VWA5B1: variants seen among roughly 807,000 people sequenced by gnomAD.
The protein encoded by VWA5B1 is von Willebrand factor A domain-containing protein 5B1.
VWA5B1 carries 115 observed loss-of-function variants against 118.2 expected under a neutral mutation model. The ratio of observed to expected loss-of-function variants is 0.97; its 90% confidence interval spans 0.84 to 1.14. The LOEUF is 1.14. VWA5B1 is among the 50% of genes most tolerant of loss of function. The probability of loss-of-function intolerance (pLI) is 0.00; values close to 1 mark genes in which losing one functional copy is unlikely to be tolerated. For missense variants in VWA5B1, 1,596 were observed against 1,603.8 expected (o/e 1.00, Z 0.08); for synonymous variants, 682 against 658.4 (o/e 1.04, Z -0.55).
Position 20,310,635 on chromosome 1 carries a change from G to T in VWA5B1, c.34G>T (p.Ala12Ser). Residue 12 changes from alanine to serine, a missense_variant, in exon 2 of 22, where the codon GCC becomes TCC. By Grantham distance (99) the Ala-to-Ser change is moderately conservative. Coordinates refer to ENST00000289815, the MANE Select transcript of VWA5B1 (RefSeq NM_001039500.3). ...PGLLNWITGA[A>S]LPLTASDVTS... ...CTTGCTGAATTGGATCACGGGGGCA[G>T]CCCTGCCCCTCACCGCGTCTGATGT... The T allele has an allele frequency of 6.5e-7, 1 of 1,549,662 alleles. No individual in the cohort carries two copies.
chr1:20,315,716 G>C (rs978878385), intron 4 of VWA5B1, among the ~76,000 whole-genome samples: 6 of 152,208 alleles, frequency 3.9e-5, no homozygotes, highest in African/African-American at 9.7e-5. Context: ...CAGCAGAAAG[G>C]CTGGTGTGGC....
Position 20,354,458 on chromosome 1 carries a change from G to C in VWA5B1, c.*195G>C. ...CATCCAGCCATGCAACTTTAGGCCA[G>C]TGCCTGCCCCCGTCTGGGCCTCAGT... On this transcript the variant is annotated 3_prime_UTR_variant, in exon 22 of 22. Coordinates refer to ENST00000289815, the MANE Select transcript of VWA5B1 (RefSeq NM_001039500.3). 1.5e-6 allele frequency: 1 copy of C among 667,146 alleles called. No individual in the cohort carries two copies. Among genetic ancestry groups the C allele is most frequent in the East Asian group, 2.8e-5 (1 of 35,240 alleles). 41.3% of individuals were successfully genotyped at this position (667,146 alleles called of 1,614,324 possible). A position where few individuals can be genotyped will look rare whatever the true frequency, so the allele number is the denominator to read the frequency against.
At chr1:20,334,486 C>T (rs143315011) in intron 12 of VWA5B1, among the ~76,000 whole-genome samples, 40 of 152,280 alleles carry the variant, frequency 2.6e-4, no homozygotes, top group African/African-American at 7.0e-4. Context: ...TGCCGCAGCC[C>T]TCCTGGGAAG....
chr1:20,313,059 A>G, intron 3 of VWA5B1, 71 bp downstream of exon 3: 1 of 1,515,472 alleles, frequency 6.6e-7, no homozygotes, highest in Non-Finnish European at 8.9e-7. Flanking sequence ...CTGGAGCCTC[A>G]GGCCAACTGC....
rs1054866055 is a variant in VWA5B1 at position 20,356,260 on chromosome 1, T to G, written c.*1997T>G. On this transcript the variant is annotated 3_prime_UTR_variant, in exon 22 of 22. Coordinates refer to ENST00000289815, the MANE Select transcript of VWA5B1 (RefSeq NM_001039500.3). The stretch of plus-strand genomic sequence containing the variant: ...GAACACCCAGACTCAGGTCTCAGCC[T>G]AGTACTAGTTTGGGCAAGTGGTTTC... Among the ~76,000 whole-genome samples, 4 of 152,300 alleles carry G rather than the reference T, an allele frequency of 2.6e-5. No individual in the cohort carries two copies. Among genetic ancestry groups the G allele is most frequent in the Middle Eastern group, 3.4e-3 (1 of 294 alleles).
chr1:20,337,252 C>T lies in VWA5B1; in HGVS notation c.1943-394C>T, dbSNP rs1039868370. Among the ~76,000 whole-genome samples the T allele has an allele frequency of 4.6e-5, 7 of 152,090 alleles. No individual in the cohort carries two copies. The South Asian group carries it at 8.3e-4, about 18-fold the overall frequency. On this transcript the variant is annotated intron_variant, in intron 13 of 21. Transcript: ENST00000289815. Reference sequence around the variant, plus strand: ...AAGCAATTCTCATGCCTCAGCCTCCCGAATAGCTGGGACTACAGGCGCATA... The same window carrying T: ...AAGCAATTCTCATGCCTCAGCCTCCTGAATAGCTGGGACTACAGGCGCATA...
chr1:20,344,630 C>A (rs997012846), intron 16 of VWA5B1, among the ~76,000 whole-genome samples: 1 of 152,246 alleles, frequency 6.6e-6, no homozygotes, highest in East Asian at 1.9e-4. Context: ...TTGGGGCAGA[C>A]TTTACTGAGA....
At chr1:20,291,385 CT>C (rs869044063) in intron 1 of VWA5B1, among the ~76,000 whole-genome samples, 1 of 148,882 alleles carries the variant, frequency 6.7e-6, no homozygotes, top group African/African-American at 2.5e-5. Context: ...CTCTCTCTCT[CT>C]TTCTGTCTCC....
At chr1:20,293,196 C>A (rs927887222) in intron 1 of VWA5B1, among the ~76,000 whole-genome samples, 4 of 152,230 alleles carry the variant, frequency 2.6e-5, no homozygotes, top group Non-Finnish European at 5.9e-5. Context: ...ACTCACCTGG[C>A]AGCCCCTGGG....
In VWA5B1 at chr1:20,330,250, C is replaced by A; in HGVS notation, c.1325C>A (p.Ser442Tyr). ...GACATGGGTGGGACCAACATCCTTT[C>A]CCCTCTCAAGTGGGTCATCAGGCAG... Reference protein sequence around the residue: ...KADMGGTNILSPLKWVIRQPV... With the variant: ...KADMGGTNILYPLKWVIRQPV... Residue 442 changes from serine (S) to tyrosine (Y), a missense_variant, in exon 10 of 22, where the codon TCC becomes TAC. By Grantham distance (144) the Ser-to-Tyr change is moderately radical. Transcript: ENST00000289815. 1 of 1,551,766 alleles carries A rather than the reference C, an allele frequency of 6.4e-7. No homozygotes were observed. The highest frequency in any genetic ancestry group is 1.2e-5 in the South Asian group (1 of 84,060).
Position 20,330,285 on chromosome 1 carries a change from C to T in VWA5B1, c.1360C>T (p.Arg454Ter), listed in dbSNP as rs762887442. 16 of 1,551,780 alleles carry T rather than the reference C, an allele frequency of 1.0e-5. No homozygotes were observed. The highest frequency in any genetic ancestry group is 1.7e-4 in the Middle Eastern group (1 of 5,994). ...GTGGGTCATCAGGCAGCCAGTGCAC[C>T]GAGGCCACCCGCGGCTCCTCTTCGT... ...LKWVIRQPVH[R>*]GHPRLLFVIT... Residue 454 changes from arginine to a stop codon, truncating the protein, a stop_gained, in exon 10 of 22, where the codon CGA becomes TGA. Transcript: ENST00000289815. LOFTEE classifies it high-confidence loss of function.
chr1:20,294,467 T>TTTCATTTA (rs149132058), intron 1 of VWA5B1: 20 of 151,152 alleles, frequency 1.3e-4, no homozygotes, highest in Non-Finnish European at 2.5e-4. Flanking sequence ...ACCCATGGGG[T>TTTCATTTA]TTTATTTATT....
intron 1 of VWA5B1, among the ~76,000 whole-genome samples, chr1:20,297,613 G>A (rs1440333774): frequency 6.6e-6 from 1 of 152,220 alleles, no homozygotes; most frequent in Non-Finnish European, 1.5e-5. Context: ...GGAAATAGGG[G>A]AGAAAGGACA....
Position 20,350,188 on chromosome 1 carries a change from G to A in VWA5B1, c.2911G>A (p.Glu971Lys), listed in dbSNP as rs560091742. 1.4e-4 allele frequency: 213 copies of A among 1,551,176 alleles called. No individual in the cohort carries two copies. In the African/African-American group the frequency reaches 2.7e-3, roughly 20 times the overall value. ...GGCAAGTCCCACTGCTCTCTTCAGC[G>A]AGGCCAGGTCCCCCGGCCGCGAGAA... ...MEASPTALFS[E>K]ARSPGREKHG... The change falls in exon 19 of 22, where the codon GAG (glutamate) becomes AAG (lysine). Residue 971 changes from glutamate to lysine, a missense_variant. Transcript: ENST00000289815.
In VWA5B1 at chr1:20,330,296, G is replaced by T. The variant is rs1316015550; in HGVS notation, c.1371G>T (p.Pro457=). 6 of 1,551,688 alleles carry T rather than the reference G, an allele frequency of 3.9e-6. No homozygotes were observed. In the African/African-American group the frequency reaches 4.1e-5, roughly 11 times the overall value. The change falls in exon 10 of 22, where the codon CCG becomes CCT. Residue 457 remains proline (P), a synonymous_variant. Transcript: ENST00000289815. The part of the protein sequence containing the change: ...VIRQPVHRGH[P]RLLFVITDGA... ...GGCAGCCAGTGCACCGAGGCCACCC[G>T]CGGCTCCTCTTCGTGATCACAGATG...
chr1:20,348,745 C>T (rs2101012390), intron 18 of VWA5B1, among the ~76,000 whole-genome samples: 1 of 152,330 alleles, frequency 6.6e-6, no homozygotes, highest in Middle Eastern at 3.4e-3. Context: ...GAGGCAGTCC[C>T]ATCTGTTTGG....
intron 1 of VWA5B1, among the ~76,000 whole-genome samples, 170 bp downstream of exon 1, chr1:20,291,258 T>C (rs1424911938): frequency 6.6e-6 from 1 of 151,388 alleles, no homozygotes; most frequent in Non-Finnish European, 1.5e-5. Context: ...GCAGGCACCA[T>C]GGGGAGGAGC....
chr1:20,321,736 G>A (rs1422026532), intron 7 of VWA5B1, among the ~76,000 whole-genome samples: 8 of 152,276 alleles, frequency 5.3e-5, no homozygotes, highest in East Asian at 1.9e-4. Flanking sequence ...AGAGCCCAAC[G>A]TGGGAGGAAT....
At position 20,356,488 on chromosome 1, in the gene VWA5B1, C is replaced by T. The variant is rs2090231910; in HGVS notation, c.*2225C>T. Reference sequence around the variant, plus strand: ...GGCTGTCCAGCACCTCCCTGCCCCACCAGATGAGTCTGATTCTGGGTCTCC... The same window carrying T: ...GGCTGTCCAGCACCTCCCTGCCCCATCAGATGAGTCTGATTCTGGGTCTCC... On this transcript the variant is annotated 3_prime_UTR_variant, in exon 22 of 22. Coordinates refer to ENST00000289815, the MANE Select transcript of VWA5B1 (RefSeq NM_001039500.3). 6.6e-6 allele frequency among the ~76,000 whole-genome samples: 1 copy of T among 152,196 alleles called. No homozygotes were observed. The highest frequency in any genetic ancestry group is 1.5e-5 in the Non-Finnish European group (1 of 68,030).
Sources: gnomAD v4.1 joint callset for allele counts (sites outside exome capture counted in the v4.1 genomes callset) on GRCh38, gnomAD v4.1.1 for gene constraint, MANE v1.5 for transcripts, NCBI Gene and HGNC (gene_info 2026-07-23, HGNC 2026-07-21) for gene names.